TBC1D5: variants seen among roughly 807,000 people sequenced by gnomAD.
TBC1D5 encodes TBC1 domain family, member 5.
TBC1D5 carries 75 observed loss-of-function variants against 100.3 expected under a neutral mutation model. That is an observed-to-expected ratio of 0.75 (90% confidence interval 0.62 to 0.91). TBC1D5 has a LOEUF of 0.91. Ranked by LOEUF, TBC1D5 falls within the 40% of genes least tolerant of loss-of-function variation. TBC1D5 has a pLI of 0.00. For synonymous variants in TBC1D5, 323 were observed against 325.6 expected (o/e 0.99, Z 0.09); for missense variants, 910 against 942.4 (o/e 0.97, Z 0.45).
At chr3:17,492,863 G>A (rs1344011603) in intron 3 of TBC1D5, among the ~76,000 whole-genome samples, 1 of 152,204 alleles carries the variant, frequency 6.6e-6, no homozygotes, top group Non-Finnish European at 1.5e-5. Context: ...TCATTCAGAA[G>A]CACTGATGGG....
chr3:17,653,525 C>G (rs1257294075), intron 1 of TBC1D5, among the ~76,000 whole-genome samples: 1 of 151,936 alleles, frequency 6.6e-6, no homozygotes, highest in Admixed American at 6.6e-5. Context: ...ATCCAAAAGT[C>G]TGAAGGTCAT....
chr3:17,681,581 C>T lies in TBC1D5; in HGVS notation c.-100-57668G>A, dbSNP rs73817318. Among the ~76,000 whole-genome samples the T allele has an allele frequency of 3.1e-3, 476 of 151,730 alleles. 28 individuals carry two copies. Among genetic ancestry groups the T allele is most frequent in the African/African-American group, 0.011 (459 of 41,010 alleles). Reference sequence around the variant, plus strand: ...TGTTTTCGGAAATGTTTTGGCAAAACTGCCAACTTTATCAACATATGTGAC... The same window carrying T: ...TGTTTTCGGAAATGTTTTGGCAAAATTGCCAACTTTATCAACATATGTGAC... On this transcript the variant is annotated intron_variant, in intron 1 of 21. Coordinates refer to ENST00000253692, the Ensembl canonical transcript of TBC1D5.
At chr3:17,517,688 T>C (rs189326089) in intron 2 of TBC1D5, among the ~76,000 whole-genome samples, 9 of 152,300 alleles carry the variant, frequency 5.9e-5, no homozygotes, top group African/African-American at 2.2e-4. Context: ...TGACATAAAG[T>C]AGACACTATC....
At chr3:17,583,054 G>A (rs889840402) in intron 2 of TBC1D5, among the ~76,000 whole-genome samples, 2 of 152,098 alleles carry the variant, frequency 1.3e-5, no homozygotes, top group Admixed American at 6.6e-5. Context: ...AGAGACCAAC[G>A]TAGGTGGATC....
At chr3:17,605,588 T>C (rs1053460467) in intron 2 of TBC1D5, among the ~76,000 whole-genome samples, 11 of 152,176 alleles carry the variant, frequency 7.2e-5, no homozygotes, top group African/African-American at 1.2e-4. Flanking sequence ...AGGAAAAGGA[T>C]AGTCTTTTTT....
At chr3:17,321,360 T>C (rs1485211927) in intron 13 of TBC1D5, among the ~76,000 whole-genome samples, 6 of 152,278 alleles carry the variant, frequency 3.9e-5, no homozygotes, top group Admixed American at 3.9e-4. Flanking sequence ...TGTATTATTT[T>C]AAACTATGTA....
chr3:17,333,755 G>A (rs1441047808), intron 13 of TBC1D5, among the ~76,000 whole-genome samples: 1 of 152,124 alleles, frequency 6.6e-6, no homozygotes, highest in Non-Finnish European at 1.5e-5. Flanking sequence ...GGAGAGAAGT[G>A]TTAGATGTTT....
At chr3:17,529,232 G>C (rs2096182824) in intron 2 of TBC1D5, among the ~76,000 whole-genome samples, 1 of 152,164 alleles carries the variant, frequency 6.6e-6, no homozygotes, top group African/African-American at 2.4e-5. Flanking sequence ...CTGTCCCTGA[G>C]CTCTCTGGGC....
chr3:17,713,323 G>A (rs971109615), intron 1 of TBC1D5, among the ~76,000 whole-genome samples: 102 of 150,502 alleles, frequency 6.8e-4, no homozygotes, highest in African/African-American at 2.4e-3. Flanking sequence ...CTTACTGCAA[G>A]CTCCGCCTCC....
intron 13 of TBC1D5, among the ~76,000 whole-genome samples, chr3:17,346,277 T>C (rs914732135): frequency 6.6e-6 from 1 of 152,168 alleles, no homozygotes; most frequent in East Asian, 1.9e-4. Context: ...CACTGAATTA[T>C]TTTGGCTTCA....
intron 12 of TBC1D5, among the ~76,000 whole-genome samples, chr3:17,373,617 T>C (rs2092572205): frequency 6.6e-6 from 1 of 152,178 alleles, no homozygotes; most frequent in Non-Finnish European, 1.5e-5. Context: ...CAAATGTCCA[T>C]CGACTGATGT....
intron 1 of TBC1D5, among the ~76,000 whole-genome samples, chr3:17,688,980 C>G (rs2070714963): frequency 2.0e-5 from 3 of 152,156 alleles, no homozygotes; most frequent in Admixed American, 2.0e-4. Flanking sequence ...ACTGGGTACA[C>G]AGAGAATTGT....
chr3:17,606,172 G>C (rs2061324302), intron 2 of TBC1D5, among the ~76,000 whole-genome samples: 1 of 152,172 alleles, frequency 6.6e-6, no homozygotes, highest in Admixed American at 6.5e-5. Flanking sequence ...GCGTACAGTG[G>C]CTCATGCCTG....
chr3:17,612,719 G>A (rs2061776109), intron 2 of TBC1D5, among the ~76,000 whole-genome samples: 1 of 151,892 alleles, frequency 6.6e-6, no homozygotes, highest in African/African-American at 2.4e-5. Context: ...ACTATTTTCA[G>A]ATGACCTGAG....
At chr3:17,522,490 G>C (rs1404913920) in intron 2 of TBC1D5, among the ~76,000 whole-genome samples, 1 of 152,086 alleles carries the variant, frequency 6.6e-6, no homozygotes, top group Non-Finnish European at 1.5e-5. Flanking sequence ...ATAATATCTT[G>C]AAGTCAGAAA....
At chr3:17,420,537 T>C (rs1275832571) in intron 4 of TBC1D5, among the ~76,000 whole-genome samples, 1 of 152,132 alleles carries the variant, frequency 6.6e-6, no homozygotes, top group Admixed American at 6.5e-5. Flanking sequence ...TATTGGTGAA[T>C]TTTTTTAAAA....
At chr3:17,403,277 A>G in intron 7 of TBC1D5, 29 bp from the exon 8 acceptor site, 1 of 1,463,334 alleles carries the variant, frequency 6.8e-7, no homozygotes, top group Non-Finnish European at 9.3e-7. Context: ...TCTATTATAT[A>G]GTCTCACACC....
chr3:17,274,576 A>C (rs1396424305), intron 15 of TBC1D5, among the ~76,000 whole-genome samples: 1 of 152,144 alleles, frequency 6.6e-6, no homozygotes, highest in Non-Finnish European at 1.5e-5. Flanking sequence ...ATGAGGGTTT[A>C]CCTCTTTCTT....
At chr3:17,498,105 A>T (rs1320116073) in intron 3 of TBC1D5, among the ~76,000 whole-genome samples, 3 of 152,124 alleles carry the variant, frequency 2.0e-5, no homozygotes, top group Non-Finnish European at 4.4e-5. Context: ...TGATTTTCTT[A>T]ATTTCTTCCA....
Sources: allele counts gnomAD v4.1 joint callset (sites outside exome capture counted in the v4.1 genomes callset), GRCh38; gene constraint gnomAD v4.1.1; transcripts MANE v1.5; gene names NCBI Gene and HGNC (gene_info 2026-07-23, HGNC 2026-07-21).